UTRN: variants seen among roughly 807,000 people sequenced by gnomAD.
UTRN encodes the protein utrophin, also known as dystrophin-related protein 1.
Under a neutral mutation model 463.9 loss-of-function variants are expected in UTRN, and 283 were observed. The ratio of observed to expected loss-of-function variants is 0.61; its 90% CI spans 0.55 to 0.67. The LOEUF (loss-of-function observed/expected upper bound fraction) is 0.67, where lower values mean the gene tolerates loss of function less well. UTRN is among the 30% of genes least tolerant of loss of function. The probability of loss-of-function intolerance (pLI) is 0.00; values close to 1 mark genes in which losing one functional copy is unlikely to be tolerated. For missense variants in UTRN, 3,922 were observed against 4,084.3 expected (o/e 0.96, Z 1.08); for synonymous variants, 1,442 against 1,431.5 (o/e 1.01, Z -0.17).
In UTRN at chr6:144,550,990, G is replaced by A. The variant is rs549853920; in HGVS notation, c.6836G>A (p.Arg2279His). The A allele has an allele frequency of 2.5e-6, 4 of 1,610,780 alleles. No individual in the cohort carries two copies. The highest frequency in any genetic ancestry group is 1.3e-5 in the African/African-American group (1 of 74,802). ...MKITKADLEQ[R>H]HPQLDYVFTL... ...ATTACAAAGGCTGACTTAGAACAGCGCCATCCTCAGCTGGATTATGTTTTT... is the reference window on the plus strand; with the variant it reads ...ATTACAAAGGCTGACTTAGAACAGCACCATCCTCAGCTGGATTATGTTTTT... The change falls in exon 48 of 75, where the codon CGC becomes CAC. Residue 2279 changes from arginine (R) to histidine (H), a missense_variant. Around this residue, in one of 3 missense-constraint regions of UTRN, gnomAD observed 1,309 missense variants for 1,452.6 expected, o/e 0.90. Transcript: ENST00000367545.
intron 69 of UTRN, among the ~76,000 whole-genome samples, chr6:144,830,390 A>G (rs139844425): frequency 1.3e-5 from 2 of 152,326 alleles, no homozygotes; most frequent in East Asian, 1.9e-4. Context: ...GCTGGAGCCA[A>G]TTGTGAGAGC....
At chr6:144,798,165 T>G (rs1002976453) in intron 64 of UTRN, among the ~76,000 whole-genome samples, 175 bp downstream of exon 64, 1 of 152,204 alleles carries the variant, frequency 6.6e-6, no homozygotes, top group Non-Finnish European at 1.5e-5. Flanking sequence ...AACTACTACA[T>G]GAAGCATATT....
intron 2 of UTRN, among the ~76,000 whole-genome samples, chr6:144,376,556 A>C (rs1015742173): frequency 6.6e-5 from 10 of 152,012 alleles, no homozygotes; most frequent in Non-Finnish European, 1.2e-4. Flanking sequence ...TCGGCCTCCC[A>C]AAGTGCTGGG....
intron 2 of UTRN, among the ~76,000 whole-genome samples, chr6:144,293,823 G>A (rs1804455712): frequency 6.6e-6 from 1 of 151,946 alleles, no homozygotes; most frequent in Non-Finnish European, 1.5e-5. Context: ...TCTCAGTAGA[G>A]GTAACTAAAT....
chr6:144,288,520 AC>A (rs1204498192), intron 1 of UTRN, among the ~76,000 whole-genome samples: 3 of 152,270 alleles, frequency 2.0e-5, no homozygotes, highest in Non-Finnish European at 2.9e-5. Flanking sequence ...TCCATGATAA[AC>A]TTTTATAGAC....
intron 23 of UTRN, among the ~76,000 whole-genome samples, chr6:144,471,453 T>G (rs1260145414): frequency 6.6e-6 from 1 of 152,234 alleles, no homozygotes; most frequent in Non-Finnish European, 1.5e-5. Flanking sequence ...TCTTTAAAAG[T>G]GCAGAATGGA....
At chr6:144,696,225 A>G (rs1783993682) in intron 52 of UTRN, among the ~76,000 whole-genome samples, 1 of 151,952 alleles carries the variant, frequency 6.6e-6, no homozygotes, top group African/African-American at 2.4e-5. Context: ...TCCAAATCTA[A>G]TAGAGGAACT....
chr6:144,586,416 T>TA (rs1321782587), intron 51 of UTRN, among the ~76,000 whole-genome samples: 2 of 152,164 alleles, frequency 1.3e-5, no homozygotes, highest in Non-Finnish European at 2.9e-5. Context: ...CCTGATGACC[T>TA]AAAATCACCC....
intron 34 of UTRN, among the ~76,000 whole-genome samples, chr6:144,508,498 G>C (rs1264701860): frequency 1.3e-5 from 2 of 152,192 alleles, no homozygotes; most frequent in Non-Finnish European, 2.9e-5. Context: ...CTTGGCTAGG[G>C]GAGGGAGTTC....
In UTRN at chr6:144,462,814, C is replaced by G. The variant is rs758554157; in HGVS notation, c.3014C>G (p.Ser1005Cys). 1.2e-5 allele frequency: 20 copies of G among 1,609,454 alleles called. No individual in the cohort carries two copies. The South Asian group carries it at 2.2e-4, about 18-fold the overall frequency. Residue 1005 changes from serine (S) to cysteine (C), a missense_variant, in exon 23 of 75, where the codon TCC becomes TGC. Coordinates refer to ENST00000367545, the MANE Select transcript of UTRN (RefSeq NM_007124.3). ...GKWNKLKVLV[S>C]KDLHLLEEIA... ...TGGAACAAGCTAAAGGTCTTGGTTT[C>G]CAAAGATCTACATTTGCTTGAGGAA...
chr6:144,332,597 T>G (rs1005182997), intron 2 of UTRN, among the ~76,000 whole-genome samples: 1 of 152,092 alleles, frequency 6.6e-6, no homozygotes, highest in Non-Finnish European at 1.5e-5. Flanking sequence ...TTCTTTAAAT[T>G]GAATATATAG....
intron 48 of UTRN, among the ~76,000 whole-genome samples, 158 bp from the exon 49 acceptor site, chr6:144,554,530 G>T (rs1470940502): frequency 6.6e-6 from 1 of 152,064 alleles, no homozygotes; most frequent in East Asian, 1.9e-4. Flanking sequence ...AATTGTATAG[G>T]ATGGCAGATG....
intron 38 of UTRN, 78 bp downstream of exon 38, chr6:144,516,465 T>C (rs1795617979): frequency 6.8e-7 from 1 of 1,460,836 alleles, no homozygotes; most frequent in African/African-American, 1.4e-5. Flanking sequence ...TCAAGATGTT[T>C]GCCCATATAA....
chr6:144,354,106 C>T (rs1003436302), intron 2 of UTRN, among the ~76,000 whole-genome samples: 1 of 152,114 alleles, frequency 6.6e-6, no homozygotes, highest in Non-Finnish European at 1.5e-5. Flanking sequence ...CAGTGAAGAG[C>T]CTTAGATTCT....
chr6:144,703,438 T>C (rs1784785499), intron 53 of UTRN, among the ~76,000 whole-genome samples: 1 of 152,130 alleles, frequency 6.6e-6, no homozygotes, highest in South Asian at 2.1e-4. Context: ...GCCCTGGGAT[T>C]GGATGAGATC....
At position 144,322,741 on chromosome 6, in the gene UTRN, A is replaced by C. The variant is rs148205034; in HGVS notation, c.79+30834A>C. Among the ~76,000 whole-genome samples, 916 of 152,276 alleles carry C rather than the reference A, an allele frequency of 6.0e-3. 7 individuals carry two copies. Among genetic ancestry groups the C allele is most frequent in the African/African-American group, 0.021 (865 of 41,552 alleles). On this transcript the variant is annotated intron_variant, in intron 2 of 74. Coordinates refer to ENST00000367545, the MANE Select transcript of UTRN (RefSeq NM_007124.3). ...ATCACGAGGTCAGGAGATCGAGACC[A>C]TCCTGGCTAACACATCCTGGTGAAA...
chr6:144,400,963 G>A (rs1268799294), intron 2 of UTRN, among the ~76,000 whole-genome samples: 2 of 152,126 alleles, frequency 1.3e-5, no homozygotes, highest in African/African-American at 4.8e-5. Context: ...GGGTAATAGT[G>A]CTCATTTCTT....
At position 144,678,456 on chromosome 6, in the gene UTRN, C is replaced by T. The variant is rs150099766; in HGVS notation, c.7530C>T (p.Asp2510=). ...ACAATGACATATTTAAAAGCATTGA[C>T]GGAAACAGGCAGAAGATGGTAAAAG... is the stretch of plus-strand genomic sequence containing the variant. ...DAHNDIFKSI[D]GNRQKMVKAL... The change falls in exon 52 of 75, where the codon GAC becomes GAT. Residue 2510 remains aspartate (D), a synonymous_variant. Coordinates refer to ENST00000367545, the MANE Select transcript of UTRN (RefSeq NM_007124.3). The T allele has an allele frequency of 3.0e-5, 48 of 1,612,960 alleles. No individual in the cohort carries two copies. The highest frequency in any genetic ancestry group is 1.1e-4 in the South Asian group (10 of 90,994).
At chr6:144,393,691 T>C (rs1782145551) in intron 2 of UTRN, among the ~76,000 whole-genome samples, 2 of 152,054 alleles carry the variant, frequency 1.3e-5, no homozygotes, top group Admixed American at 1.3e-4. Flanking sequence ...GGTTTGAATG[T>C]TCAAAAAAGT....
Sources: gnomAD v4.1 joint callset for allele counts (sites outside exome capture counted in the v4.1 genomes callset) on GRCh38, gnomAD v4.1.1 for gene constraint, gnomAD v4.1.1 regional missense constraint, MANE v1.5 for transcripts, NCBI Gene and HGNC (gene_info 2026-07-23, HGNC 2026-07-21) for gene names.